The following LATS2 variants were observed in gnomAD, a reference collection of about 807,000 sequenced individuals.
LATS2 encodes the protein serine/threonine-protein kinase LATS2.
Under a neutral mutation model 76.0 loss-of-function variants are expected in LATS2, and 24 were observed. The observed-to-expected ratio is 0.32, with a 90% CI of 0.23 to 0.44. The LOEUF (loss-of-function observed/expected upper bound fraction) is 0.44. Among genes scored for constraint, LATS2 ranks in the 20% least tolerant of loss-of-function variants. The pLI, the probability that LATS2 is intolerant of heterozygous loss-of-function variation, is 1.00. For missense variants in LATS2, 1,286 were observed against 1,481.2 expected (o/e 0.87, Z 2.16); for synonymous variants, 692 against 635.4 (o/e 1.09, Z -1.34).
At position 21,046,049 on chromosome 13, in the gene LATS2, C is replaced by A; in HGVS notation, c.-23G>T. ...CATTGTTAGTCCAGTTTCCTTTTAC[C>A]ATAAATACAATCTTCTTAAAGTGTT... On this transcript the variant is annotated 5_prime_UTR_variant, in exon 2 of 8. The change abolishes an upstream ATG in the 5' untranslated region. Transcript: ENST00000382592. The A allele has an allele frequency of 1.3e-6, 2 of 1,509,924 alleles. No individual in the cohort carries two copies. The highest frequency in any genetic ancestry group is 9.1e-7 in the Non-Finnish European group (1 of 1,098,612). The allele number at this position is 1,509,924 out of a possible 1,614,324, so 93.5% of individuals were successfully genotyped here.
rs1342444247 is a variant in LATS2 at position 21,030,560 on chromosome 13, G to T, written c.342+15125C>A. Among the ~76,000 whole-genome samples the T allele has an allele frequency of 3.0e-5, 4 of 131,916 alleles. No homozygotes were observed. The Admixed American group carries it at 3.6e-4, about 12-fold the overall frequency. 86.5% of individuals were successfully genotyped at this position (131,916 alleles called of 152,430 possible). A position where few individuals can be genotyped will look rare whatever the true frequency, so the allele number is the denominator to read the frequency against. On this transcript the variant is annotated intron_variant, in intron 2 of 7. Transcript: ENST00000382592. Reference sequence around the variant, plus strand: ...GCTGAGATCACACCACTGCACTCCAGCCTGGGCGACAAGAGTGAGAGACTC... The same window carrying T: ...GCTGAGATCACACCACTGCACTCCATCCTGGGCGACAAGAGTGAGAGACTC...
At chr13:20,982,992 C>CAA (rs67372854) in intron 5 of LATS2, among the ~76,000 whole-genome samples, 3,754 of 86,966 alleles carry the variant, frequency 0.043, 172 homozygotes, top group East Asian at 0.075. Context: ...AACTCTGTCT[C>CAA]AAAAAAAAAA....
intron 2 of LATS2, among the ~76,000 whole-genome samples, chr13:21,037,901 C>T (rs1872736290): frequency 6.6e-6 from 1 of 152,134 alleles, no homozygotes; most frequent in African/African-American, 2.4e-5. Context: ...AACTCCCAGG[C>T]ACCATCCTGA....
At chr13:21,053,646 C>T (rs576051454) in intron 1 of LATS2, among the ~76,000 whole-genome samples, 1 of 152,296 alleles carries the variant, frequency 6.6e-6, no homozygotes, top group African/African-American at 2.4e-5. Context: ...GCAGCACCTT[C>T]TCTGAAGTTT....
chr13:20,986,257 A>T (rs492809), intron 4 of LATS2, among the ~76,000 whole-genome samples: 150,411 of 152,342 alleles, frequency 0.99, 74,278 homozygotes, highest in East Asian at 1. Flanking sequence ...AATCTACCAA[A>T]CCCATTATTG....
intron 2 of LATS2, among the ~76,000 whole-genome samples, chr13:20,992,380 G>A (rs1207720547): frequency 6.6e-6 from 1 of 152,194 alleles, no homozygotes; most frequent in Non-Finnish European, 1.5e-5. Flanking sequence ...GGGGGCGGCT[G>A]TGGGTGCAGA....
chr13:21,021,647 T>C (rs778696672), intron 2 of LATS2, among the ~76,000 whole-genome samples: 7 of 152,206 alleles, frequency 4.6e-5, no homozygotes, highest in Non-Finnish European at 7.4e-5. Context: ...AAGCTGCCCA[T>C]GGTCAGCAGC....
intron 2 of LATS2, among the ~76,000 whole-genome samples, chr13:21,040,815 C>A (rs758401309): frequency 3.1e-4 from 47 of 151,980 alleles, no homozygotes; most frequent in Non-Finnish European, 5.4e-4. Context: ...AAACTCCATG[C>A]CCCACAGACA....
chr13:21,060,381 C>T (rs1873592774), intron 1 of LATS2, among the ~76,000 whole-genome samples: 1 of 152,244 alleles, frequency 6.6e-6, no homozygotes, highest in African/African-American at 2.4e-5. Flanking sequence ...ACCCCCCACA[C>T]GTCGCTAAAC....
In LATS2 at chr13:21,055,381, C is replaced by T. The variant is rs569931365; in HGVS notation, c.-205+5965G>A. 5.3e-5 allele frequency among the ~76,000 whole-genome samples: 8 copies of T among 152,294 alleles called. 1 individual carries two copies. The South Asian group carries it at 1.7e-3, about 32-fold the overall frequency. Reference sequence around the variant, plus strand: ...CTTTGGCATCACCAATTGATTCACACACATTTTAAGTAACAAACTACAAAC... The same window carrying T: ...CTTTGGCATCACCAATTGATTCACATACATTTTAAGTAACAAACTACAAAC... On this transcript the variant is annotated intron_variant, in intron 1 of 7. Coordinates refer to ENST00000382592, the MANE Select transcript of LATS2 (RefSeq NM_014572.3).
intron 2 of LATS2, among the ~76,000 whole-genome samples, chr13:21,044,689 G>GGTGTGT (rs71090554): frequency 1.0e-3 from 140 of 137,778 alleles, no homozygotes; most frequent in African/African-American, 2.3e-3. Flanking sequence ...GAGGTGTAGG[G>GGTGTGT]GTGTGTGTGT....
At chr13:21,052,544 G>A (rs887788150) in intron 1 of LATS2, among the ~76,000 whole-genome samples, 1 of 152,044 alleles carries the variant, frequency 6.6e-6, no homozygotes, top group African/African-American at 2.4e-5. Context: ...AGAGATGGGG[G>A]TTTCACCCTG....
At chr13:21,056,575 A>T (rs1451202627) in intron 1 of LATS2, among the ~76,000 whole-genome samples, 1 of 152,188 alleles carries the variant, frequency 6.6e-6, no homozygotes, top group Non-Finnish European at 1.5e-5. Context: ...AGGATGGGCC[A>T]TCTTATATTC....
intron 1 of LATS2, among the ~76,000 whole-genome samples, chr13:21,047,392 G>T (rs763352394): frequency 8.5e-5 from 13 of 152,164 alleles, no homozygotes; most frequent in Non-Finnish European, 1.6e-4. Context: ...ACCCCGTGAT[G>T]AATGTTTATA....
chr13:20,975,408 T>C (rs752544052), intron 7 of LATS2, 44 bp from the exon 8 acceptor site: 21 of 1,515,940 alleles, frequency 1.4e-5, no homozygotes, highest in African/African-American at 8.4e-5. Flanking sequence ...TCCTCACATC[T>C]TGGGCAGTTC....
At chr13:21,040,559 T>C (rs1872842106) in intron 2 of LATS2, among the ~76,000 whole-genome samples, 1 of 152,118 alleles carries the variant, frequency 6.6e-6, no homozygotes, top group Admixed American at 6.5e-5. Context: ...AACGAAATCA[T>C]ATGTCAGAGA....
intron 2 of LATS2, among the ~76,000 whole-genome samples, chr13:21,010,200 A>AG (rs76108906): frequency 7.9e-6 from 1 of 126,512 alleles, no homozygotes; most frequent in Admixed American, 8.8e-5. Context: ...ACTCTGTCAA[A>AG]AAAACAAACA....
chr13:21,024,605 G>A (rs1014775115), intron 2 of LATS2, among the ~76,000 whole-genome samples: 36 of 150,638 alleles, frequency 2.4e-4, no homozygotes, highest in African/African-American at 7.6e-4. Context: ...TCACTTTGAC[G>A]GTCATCACTG....
intron 2 of LATS2, among the ~76,000 whole-genome samples, chr13:21,024,073 G>A (rs1332048234): frequency 1.5e-5 from 2 of 130,464 alleles, no homozygotes; most frequent in Non-Finnish European, 3.1e-5. Context: ...TCCCCAGAAA[G>A]GTTAAAGTGT....
Sources: allele counts gnomAD v4.1 joint callset (sites outside exome capture counted in the v4.1 genomes callset), GRCh38; gene constraint gnomAD v4.1.1; transcripts MANE v1.5; gene names NCBI Gene and HGNC (gene_info 2026-07-23, HGNC 2026-07-21).